MCC: variants seen among roughly 807,000 people sequenced by gnomAD.
The protein encoded by MCC is colorectal mutant cancer protein.
MCC carries 90 observed loss-of-function variants against 116.2 expected under a neutral mutation model. The observed-to-expected ratio is 0.77, with a 90% confidence interval of 0.65 to 0.92. The LOEUF (loss-of-function observed/expected upper bound fraction) is 0.92, where lower values mean the gene tolerates loss of function less well. Among genes scored for constraint, MCC ranks in the 40% least tolerant of loss-of-function variants. MCC has a pLI of 0.00. For synonymous variants in MCC, 578 were observed against 510.5 expected, an observed-to-expected ratio of 1.13 and a Z score of -1.78; for missense variants, 1,516 against 1,312.2, an observed-to-expected ratio of 1.16 and a Z score of -2.40.
Position 113,084,195 on chromosome 5 carries a change from A to G in MCC, c.1546-5T>C, listed in dbSNP as rs1197865860. Reference sequence around the variant, plus strand: ...TAGCTTCACCCTCTCAGCAATCTTAAAAAAGAAAACAAAACATTATAGAAA... The same window carrying G: ...TAGCTTCACCCTCTCAGCAATCTTAGAAAAGAAAACAAAACATTATAGAAA... On this transcript the variant is annotated splice_region_variant and splice_polypyrimidine_tract_variant and intron_variant, in intron 9 of 18. Coordinates refer to ENST00000408903, the MANE Select transcript of MCC (RefSeq NM_001085377.2). 4 of 1,612,710 alleles carry G rather than the reference A, an allele frequency of 2.5e-6. No homozygotes were observed. Among genetic ancestry groups the G allele is most frequent in the Non-Finnish European group, 3.4e-6 (4 of 1,178,668 alleles).
chr5:113,386,260 GA>G, intron 1 of MCC, among the ~76,000 whole-genome samples: 1 of 152,286 alleles, frequency 6.6e-6, no homozygotes, highest in South Asian at 2.1e-4. Flanking sequence ...GTTATCTGGA[GA>G]ATATAACCAG....
intron 5 of MCC, 22 bp downstream of exon 5, chr5:113,143,196 A>C (rs766164867): frequency 8.9e-6 from 14 of 1,577,858 alleles, no homozygotes; most frequent in Non-Finnish European, 1.0e-5. Context: ...GGGCAGAGTA[A>C]AAGCCGAATG....
intron 2 of MCC, among the ~76,000 whole-genome samples, chr5:113,368,406 G>A (rs1181237077): frequency 6.6e-6 from 1 of 152,090 alleles, no homozygotes; most frequent in African/African-American, 2.4e-5. Flanking sequence ...TGTTGATGAT[G>A]TTTTTCCCTT....
At chr5:113,300,467 T>C (rs892423838) in intron 3 of MCC, among the ~76,000 whole-genome samples, 1 of 152,232 alleles carries the variant, frequency 6.6e-6, no homozygotes, top group Non-Finnish European at 1.5e-5. Context: ...GTGAATAATC[T>C]TCTCAACCAC....
chr5:113,094,366 C>T (rs1177057989), intron 8 of MCC, among the ~76,000 whole-genome samples: 8 of 150,654 alleles, frequency 5.3e-5, no homozygotes, highest in Non-Finnish European at 1.2e-4. Flanking sequence ...CACTAAAGTA[C>T]CTGGATGTGT....
intron 5 of MCC, among the ~76,000 whole-genome samples, chr5:113,131,699 C>T (rs1286724115): frequency 6.6e-6 from 1 of 152,118 alleles, no homozygotes; most frequent in African/African-American, 2.4e-5. Flanking sequence ...TGACTTTGCA[C>T]CACCACAGCC....
chr5:113,164,661 ACAGT>A (rs1561418605), intron 3 of MCC, among the ~76,000 whole-genome samples: 1 of 152,372 alleles, frequency 6.6e-6, no homozygotes, highest in South Asian at 2.1e-4. Flanking sequence ...AAACTGAGGC[ACAGT>A]CAGTTTTCTA....
intron 3 of MCC, among the ~76,000 whole-genome samples, chr5:113,289,328 CAA>C (rs11388557): frequency 2.9e-4 from 25 of 85,992 alleles, no homozygotes; most frequent in Middle Eastern, 6.4e-3. Context: ...GGCTCCATCT[CAA>C]AAAAAAAAAA....
rs778774481 is a variant in MCC, at chr5:113,488,219, C to A, written c.170+26G>T. 526 of 1,580,202 alleles carry A rather than the reference C, an allele frequency of 3.3e-4. 1 individual carries two copies. The highest frequency in any genetic ancestry group is 3.7e-4 in the Non-Finnish European group (434 of 1,164,622). ...GCGGAGGGACTGATCTCGCTCCTGT[C>A]GGTTTCCTCGTACCTCCCCGCGTAC... On this transcript the variant is annotated intron_variant, in intron 1 of 18. Coordinates refer to ENST00000408903, the MANE Select transcript of MCC (RefSeq NM_001085377.2).
chr5:113,139,865 G>A (rs1759077296), intron 5 of MCC, among the ~76,000 whole-genome samples: 1 of 152,148 alleles, frequency 6.6e-6, no homozygotes, highest in African/African-American at 2.4e-5. Context: ...GGGACTATAG[G>A]TGTGCACCAC....
rs6860460 is a variant in MCC at position 113,107,130 on chromosome 5, A to C, written c.1028-2775T>G. ...GGCGGTCAAATATTATTTTTTAAAT[A>C]GGCAAAGAGAAACACCACATCATCA... On this transcript the variant is annotated intron_variant, in intron 6 of 18. Coordinates refer to ENST00000408903, the MANE Select transcript of MCC (RefSeq NM_001085377.2). Among the ~76,000 whole-genome samples the C allele has an allele frequency of 2.0e-5, 3 of 151,908 alleles. No individual in the cohort carries two copies. In the East Asian group the frequency reaches 5.8e-4, roughly 29 times the overall value.
intron 3 of MCC, among the ~76,000 whole-genome samples, chr5:113,309,547 T>C (rs1236064813): frequency 2.6e-5 from 4 of 151,236 alleles, no homozygotes; most frequent in Non-Finnish European, 4.5e-5. Flanking sequence ...TATTTCATTG[T>C]TTTTTTCCAA....
At chr5:113,182,469 C>CTT (rs1285257422) in intron 3 of MCC, among the ~76,000 whole-genome samples, 1 of 152,136 alleles carries the variant, frequency 6.6e-6, no homozygotes, top group Non-Finnish European at 1.5e-5. Flanking sequence ...ATTCTCCTAA[C>CTT]TTCAAAAGGC....
chr5:113,051,405 T>C (rs1752482372), intron 15 of MCC, among the ~76,000 whole-genome samples: 1 of 152,178 alleles, frequency 6.6e-6, no homozygotes, highest in Non-Finnish European at 1.5e-5. Context: ...GGAGTCATAA[T>C]GAAGGGATAA....
chr5:113,184,472 G>GTTTTTTTTTTTTTTTT (rs200787776), intron 3 of MCC, among the ~76,000 whole-genome samples: 3 of 123,800 alleles, frequency 2.4e-5, no homozygotes, highest in African/African-American at 6.3e-5. Flanking sequence ...TTCTTTCTTC[G>GTTTTTTTTTTTTTTTT]TTTTTTGTTT....
chr5:113,165,505 T>G (rs1760719411), intron 3 of MCC, among the ~76,000 whole-genome samples: 1 of 152,166 alleles, frequency 6.6e-6, no homozygotes, highest in African/African-American at 2.4e-5. Flanking sequence ...GTGGCATTAC[T>G]CGCTGCAGAT....
At chr5:113,277,693 C>T (rs962092762) in intron 3 of MCC, among the ~76,000 whole-genome samples, 2 of 152,216 alleles carry the variant, frequency 1.3e-5, no homozygotes, top group Non-Finnish European at 2.9e-5. Flanking sequence ...ATGGTCCTTT[C>T]ATCTGCATTT....
chr5:113,283,238 A>G (rs1766117890), intron 3 of MCC, among the ~76,000 whole-genome samples: 1 of 152,264 alleles, frequency 6.6e-6, no homozygotes, highest in Non-Finnish European at 1.5e-5. Context: ...CAAAGCCCCA[A>G]TATGGAGAAA....
chr5:113,075,273 C>T (rs543447451), intron 11 of MCC, among the ~76,000 whole-genome samples: 37 of 152,342 alleles, frequency 2.4e-4, no homozygotes, highest in East Asian at 1.5e-3. Context: ...TGCCTCCCCG[C>T]GGAGCAGGGC....
Sources: gnomAD v4.1 joint callset for allele counts (sites outside exome capture counted in the v4.1 genomes callset) on GRCh38, gnomAD v4.1.1 for gene constraint, MANE v1.5 for transcripts, NCBI Gene and HGNC (gene_info 2026-07-23, HGNC 2026-07-21) for gene names.